The following ITPR3 variants were observed in gnomAD, a reference collection of about 807,000 sequenced individuals.
ITPR3 encodes inositol 1,4,5-trisphosphate receptor type 3, also known as inositol 1,4,5-trisphosphate-gated calcium channel ITPR3.
Under a neutral mutation model 293.2 loss-of-function variants are expected in ITPR3, and 173 were observed. The observed-to-expected ratio is 0.59, with a 90% CI of 0.52 to 0.67. The LOEUF (loss-of-function observed/expected upper bound fraction) is 0.67, where lower values mean the gene tolerates loss of function less well. ITPR3 is among the 30% of genes least tolerant of loss of function. The pLI is 0.00. For missense variants in ITPR3, 2,796 were observed against 3,592.1 expected, an observed-to-expected ratio of 0.78 and a Z score of 5.66; for synonymous variants, 1,295 against 1,444.4, an observed-to-expected ratio of 0.90 and a Z score of 2.35.
In ITPR3 at chr6:33,665,041, C is replaced by G. The variant is rs201098878; in HGVS notation, c.1249-12C>G. On this transcript the variant is annotated splice_polypyrimidine_tract_variant and intron_variant, in intron 12 of 57. Coordinates refer to ENST00000605930, the MANE Select transcript of ITPR3 (RefSeq NM_002224.4). Reference sequence around the variant, plus strand: ...TTGTTCCCAGGTGCCCTGCTGACCCCTGTCTCTGCAGCTGGGCACCTGCCC... The same window carrying G: ...TTGTTCCCAGGTGCCCTGCTGACCCGTGTCTCTGCAGCTGGGCACCTGCCC... 16 of 1,613,726 alleles carry G rather than the reference C, an allele frequency of 9.9e-6. No individual in the cohort carries two copies. The East Asian group carries it at 3.6e-4, about 36-fold the overall frequency.
At position 33,664,205 on chromosome 6, in the gene ITPR3, C is replaced by T. The variant is rs751581479; in HGVS notation, c.1148+325C>T. 5.9e-5 allele frequency among the ~76,000 whole-genome samples: 9 copies of T among 152,230 alleles called. No individual in the cohort carries two copies. The highest frequency in any genetic ancestry group is 4.2e-4 in the South Asian group (2 of 4,806). On this transcript the variant is annotated intron_variant, in intron 11 of 57. Coordinates refer to ENST00000605930, the MANE Select transcript of ITPR3 (RefSeq NM_002224.4). This position sits in a 1 kb window ranked among gnomAD's most constrained non-coding sequence, Gnocchi z 4.4. ...CCAGACTCTCTGGCCTTTGAGGTCC[C>T]GCCAACCCCGAGATTCTAGGACGGA...
rs747957701 is a variant in ITPR3, at chr6:33,688,075, C to T, written c.6283C>T (p.Gln2095Ter). The change falls in exon 47 of 58, where the codon CAG becomes TAG. Residue 2095 changes from glutamine (Q) to a stop codon, truncating the protein, a stop_gained. Coordinates refer to ENST00000605930, the MANE Select transcript of ITPR3 (RefSeq NM_002224.4). LOFTEE classifies it high-confidence loss of function. ...CCTCCAGCTCAGCCTCAACAACAAG[C>T]AGCTGTCACAGATGCTCAAGTCCTC... ...ISSMLSLNNK[Q>*]LSQMLKSSAP... is the part of the protein sequence containing the mutation. The T allele has an allele frequency of 8.7e-6, 14 of 1,613,978 alleles. 1 individual carries two copies. The highest frequency in any genetic ancestry group is 8.3e-5 in the Admixed American group (5 of 60,004).
chr6:33,672,807 G>A lies in ITPR3; in HGVS notation c.2928+579G>A, dbSNP rs926557226. ...AAGGTCACAGGGATTTTGAAGCAGA[G>A]CTAGAGATTTAAGAACCTATTTCTT... On this transcript the variant is annotated intron_variant, in intron 22 of 57. Transcript: ENST00000605930. The surrounding 1 kb of genome is among the most constrained non-coding windows in gnomAD (Gnocchi z 5.0). Among the ~76,000 whole-genome samples, 1 of 152,134 alleles carries A rather than the reference G, an allele frequency of 6.6e-6. No homozygotes were observed. The highest frequency in any genetic ancestry group is 1.5e-5 in the Non-Finnish European group (1 of 68,024).
Position 33,675,832 on chromosome 6 carries a change from G to A in ITPR3, c.3258G>A (p.Gln1086=). 1 of 1,578,896 alleles carries A rather than the reference G, an allele frequency of 6.3e-7. No individual in the cohort carries two copies. Among genetic ancestry groups the A allele is most frequent in the Non-Finnish European group, 8.6e-7 (1 of 1,162,414 alleles). ...QLLFKHFSQR[Q]EAMHTFKQVQ... ...TCTTCAAGCACTTCAGCCAGCGCCAGGAGGCCATGCACACCTTCAAGCAGG... is the reference window on the plus strand; with the variant it reads ...TCTTCAAGCACTTCAGCCAGCGCCAAGAGGCCATGCACACCTTCAAGCAGG... The change falls in exon 25 of 58, where the codon CAG becomes CAA. Residue 1086 remains glutamine, a synonymous_variant. Transcript: ENST00000605930. The surrounding 1 kb of genome is among the most constrained non-coding windows in gnomAD (Gnocchi z 5.0).
Position 33,675,636 on chromosome 6 carries a change from G to C in ITPR3, c.3117-55G>C. 1.3e-6 allele frequency: 2 copies of C among 1,522,438 alleles called. No homozygotes were observed. Among genetic ancestry groups the C allele is most frequent in the Middle Eastern group, 1.9e-4 (1 of 5,198 alleles). 94.3% of individuals were successfully genotyped at this position (1,522,438 alleles called of 1,614,324 possible). ...GTGCCAGGGCCCCTTACCCACCACGGACAGCAGGGAGTGTGCCAGTCTCAC... is the reference window on the plus strand; with the variant it reads ...GTGCCAGGGCCCCTTACCCACCACGCACAGCAGGGAGTGTGCCAGTCTCAC... On this transcript the variant is annotated intron_variant, in intron 24 of 57. Coordinates refer to ENST00000605930, the MANE Select transcript of ITPR3 (RefSeq NM_002224.4). The surrounding 1 kb of genome is among the most constrained non-coding windows in gnomAD (Gnocchi z 5.0).
chr6:33,662,706 C>T, intron 8 of ITPR3, 32 bp downstream of exon 8: 9 of 1,600,918 alleles, frequency 5.6e-6, no homozygotes, highest in South Asian at 1.1e-5. Context: ...GCACCCCGGA[C>T]TCAGCCTTGG....
Position 33,670,225 on chromosome 6 carries a change from C to T in ITPR3, c.2190-100C>T. On this transcript the variant is annotated intron_variant, in intron 18 of 57. Transcript: ENST00000605930. This position sits in a 1 kb window ranked among gnomAD's most constrained non-coding sequence, Gnocchi z 6.7. ...CAGCTGGCGCATCTTTAACCTAATC[C>T]CTTTGCCACTTTACTGAGTCCTCAC... is the stretch of plus-strand genomic sequence containing the variant. 7.7e-7 allele frequency: 1 copy of T among 1,294,676 alleles called. No individual in the cohort carries two copies. Among genetic ancestry groups the T allele is most frequent in the Non-Finnish European group, 1.1e-6 (1 of 913,026 alleles). 80.2% of individuals were successfully genotyped at this position (1,294,676 alleles called of 1,614,324 possible).
chr6:33,669,686 T>G (rs1193339267), intron 18 of ITPR3, among the ~76,000 whole-genome samples: 3 of 152,272 alleles, frequency 2.0e-5, no homozygotes, highest in Admixed American at 1.3e-4. Context: ...GCACTTGTCC[T>G]GATCCTTCAT....
rs1451977259 is a variant in ITPR3 at position 33,674,138 on chromosome 6, T to A, written c.3059-70T>A. 5 of 1,565,194 alleles carry A rather than the reference T, an allele frequency of 3.2e-6. No homozygotes were observed. The East Asian group carries it at 1.1e-4, about 35-fold the overall frequency. On this transcript the variant is annotated intron_variant, in intron 23 of 57. Coordinates refer to ENST00000605930, the MANE Select transcript of ITPR3 (RefSeq NM_002224.4). ...AGTGCAGGGAAGAGGGTGGTTTGAG[T>A]GTCTCCCTGTGCTCCCCTCTTTCCC...
chr6:33,663,725 G>A lies in ITPR3; in HGVS notation c.1006-13G>A, dbSNP rs1225876448. 1.9e-6 allele frequency: 3 copies of A among 1,613,268 alleles called. No individual in the cohort carries two copies. Among genetic ancestry groups the A allele is most frequent in the South Asian group, 2.2e-5 (2 of 91,070 alleles). On this transcript the variant is annotated splice_polypyrimidine_tract_variant and intron_variant, in intron 10 of 57. Transcript: ENST00000605930. ...AGGGAGGGCCTTCTACCTGATTTGG[G>A]GTCCTCATCCAGGGGGCACAGGGCC...
chr6:33,661,000 G>T (rs574275822), intron 7 of ITPR3, among the ~76,000 whole-genome samples: 90 of 152,222 alleles, frequency 5.9e-4, no homozygotes, highest in African/African-American at 2.0e-3. Flanking sequence ...TCACTCTGTG[G>T]TCTACATAGA....
Position 33,692,601 on chromosome 6 carries a change from G to C in ITPR3, c.7459-127G>C. 7.0e-6 allele frequency: 6 copies of C among 856,772 alleles called. No homozygotes were observed. Among genetic ancestry groups the C allele is most frequent in the Non-Finnish European group, 1.1e-5 (6 of 557,596 alleles). 53.1% of individuals were successfully genotyped at this position (856,772 alleles called of 1,614,324 possible). ...GCCATCTGATGGCCCCCAGGCCAGAGGCCCTCATTTCCTTCTGCTAGGGGC... is the reference window on the plus strand; with the variant it reads ...GCCATCTGATGGCCCCCAGGCCAGACGCCCTCATTTCCTTCTGCTAGGGGC... On this transcript the variant is annotated intron_variant, in intron 54 of 57. Transcript: ENST00000605930. The surrounding 1 kb of genome is among the most constrained non-coding windows in gnomAD (Gnocchi z 4.2).
rs923974207 is a variant in ITPR3 at position 33,680,353 on chromosome 6, G to A, written c.4249G>A (p.Val1417Met). Residue 1417 changes from valine to methionine, a missense_variant, in exon 32 of 58, where the codon GTG (valine) becomes ATG (methionine). By Grantham distance (21) the Val-to-Met change is conservative (BLOSUM62 1). Coordinates refer to ENST00000605930, the MANE Select transcript of ITPR3 (RefSeq NM_002224.4). ...TEVKMAYVNF[V>M]NHCYVDTEVE... ...GGTGAAAATGGCCTATGTGAACTTC[G>A]TGAACCACTGCTACGTGGACACGGA... is the stretch of plus-strand genomic sequence containing the variant. The A allele has an allele frequency of 6.2e-7, 1 of 1,613,724 alleles. No homozygotes were observed. The highest frequency in any genetic ancestry group is 8.5e-7 in the Non-Finnish European group (1 of 1,180,000).
chr6:33,674,282 G>A lies in ITPR3; in HGVS notation c.3116+17G>A. On this transcript the variant is annotated intron_variant, in intron 24 of 57. Coordinates refer to ENST00000605930, the MANE Select transcript of ITPR3 (RefSeq NM_002224.4). ...TGGAGTGGGGTGAGGCCAGGGTTGAGCTGCAGGGGTGTGTGGGGTTGGGAG... is the reference window on the plus strand; with the variant it reads ...TGGAGTGGGGTGAGGCCAGGGTTGAACTGCAGGGGTGTGTGGGGTTGGGAG... 1 of 1,613,386 alleles carries A rather than the reference G, an allele frequency of 6.2e-7. No individual in the cohort carries two copies.
intron 1 of ITPR3, among the ~76,000 whole-genome samples, chr6:33,637,847 C>T (rs538568034): frequency 3.6e-4 from 55 of 151,258 alleles, no homozygotes; most frequent in African/African-American, 1.3e-3. Flanking sequence ...TGGAGATTCG[C>T]CATGTTGGCC....
chr6:33,670,977 A>G lies in ITPR3; in HGVS notation c.2586+162A>G. ...ACCGCATAGAAGGCTGGGATTCTCCAAGAGGCAGGCTCCTGTTCCAATGCC... is the reference window on the plus strand; with the variant it reads ...ACCGCATAGAAGGCTGGGATTCTCCGAGAGGCAGGCTCCTGTTCCAATGCC... On this transcript the variant is annotated intron_variant, in intron 20 of 57. Transcript: ENST00000605930. The surrounding 1 kb of genome is among the most constrained non-coding windows in gnomAD (Gnocchi z 6.7). The G allele has an allele frequency of 1.3e-6, 1 of 787,254 alleles. No individual in the cohort carries two copies. Among genetic ancestry groups the G allele is most frequent in the Non-Finnish European group, 1.5e-6 (1 of 649,292 alleles). The allele number at this position is 787,254 out of a possible 1,614,324, so 48.8% of individuals were successfully genotyped here.
chr6:33,668,837 A>G, intron 17 of ITPR3, 137 bp from the exon 18 acceptor site: 1 of 1,179,134 alleles, frequency 8.5e-7, no homozygotes, highest in Non-Finnish European at 1.2e-6. Context: ...TGAGCCACGG[A>G]CCCTGCCCTT....
rs1399827038 is a variant in ITPR3 at position 33,676,999 on chromosome 6, C to T, written c.3448-16C>T. The T allele has an allele frequency of 3.1e-6, 5 of 1,613,966 alleles. No individual in the cohort carries two copies. In the East Asian group the frequency reaches 8.9e-5, roughly 29 times the overall value. Reference sequence around the variant, plus strand: ...GGGCTGGGCCTGGCTGATCTCCTTCCTCTCTCTGCTTTCAGCGTCCCACGG... The same window carrying T: ...GGGCTGGGCCTGGCTGATCTCCTTCTTCTCTCTGCTTTCAGCGTCCCACGG... On this transcript the variant is annotated splice_polypyrimidine_tract_variant and intron_variant, in intron 26 of 57. Coordinates refer to ENST00000605930, the MANE Select transcript of ITPR3 (RefSeq NM_002224.4).
chr6:33,652,202 C>T (rs1206684548), intron 2 of ITPR3, among the ~76,000 whole-genome samples: 1 of 152,182 alleles, frequency 6.6e-6, no homozygotes, highest in Non-Finnish European at 1.5e-5. Context: ...CCACCTCCTG[C>T]TCTTTCCTCC....
Sources: allele counts gnomAD v4.1 joint callset (sites outside exome capture counted in the v4.1 genomes callset), GRCh38; gene constraint gnomAD v4.1.1; non-coding constraint Gnocchi (gnomAD v3.1); transcripts MANE v1.5; gene names NCBI Gene and HGNC (gene_info 2026-07-23, HGNC 2026-07-21).